CADM4: variants seen among roughly 807,000 people sequenced by gnomAD.
CADM4 encodes the protein cell adhesion molecule 4, also known as TSLC1-like 2.
In CADM4, 13 loss-of-function variants were observed where a neutral mutation model predicts 43.9. That is an observed-to-expected ratio of 0.30 (90% CI 0.19 to 0.47). The LOEUF is 0.47. CADM4 is among the 20% of genes least tolerant of loss of function. The pLI, the probability that CADM4 is intolerant of heterozygous loss-of-function variation, is 1.00. For missense variants in CADM4, 420 were observed against 527.0 expected (o/e 0.80, Z 1.99); for synonymous variants, 209 against 220.9 (o/e 0.95, Z 0.48).
rs1428031373 is a variant in CADM4, at chr19:43,625,427, C to A, written c.756-177G>T. On this transcript the variant is annotated intron_variant, in intron 6 of 8. Transcript: ENST00000222374. This position sits in a 1 kb window ranked among gnomAD's most constrained non-coding sequence, Gnocchi z 4.5. Reference sequence around the variant, plus strand: ...GTCCTGGGCCTACTTCCACCCATCACCAAGGTCTCAGGAATTCTAGCCCAG... The same window carrying A: ...GTCCTGGGCCTACTTCCACCCATCAACAAGGTCTCAGGAATTCTAGCCCAG... Among the ~76,000 whole-genome samples the A allele has an allele frequency of 6.6e-6, 1 of 152,176 alleles. No homozygotes were observed. The highest frequency in any genetic ancestry group is 1.5e-5 in the Non-Finnish European group (1 of 68,046).
chr19:43,631,352 A>G (rs567019713), intron 1 of CADM4, among the ~76,000 whole-genome samples: 1 of 152,108 alleles, frequency 6.6e-6, no homozygotes, highest in South Asian at 2.1e-4. Flanking sequence ...AAAAAGAAAA[A>G]AAAAAAAGAA....
At chr19:43,632,370 T>C (rs1453349874) in intron 1 of CADM4, among the ~76,000 whole-genome samples, 2 of 152,218 alleles carry the variant, frequency 1.3e-5, no homozygotes, top group African/African-American at 4.8e-5. Flanking sequence ...TGCATCCCTG[T>C]CTGCCTCCTC....
chr19:43,626,759 C>CT lies in CADM4; in HGVS notation c.499+24dup. On this transcript the variant is annotated intron_variant, in intron 4 of 8. Coordinates refer to ENST00000222374, the MANE Select transcript of CADM4 (RefSeq NM_145296.2). The surrounding 1 kb of genome is among the most constrained non-coding windows in gnomAD (Gnocchi z 5.9). ...CCTAAGTCCCACCTCCTCCCCATCC[C>CT]TTGTCAGCACTCGGCCCAGGGTACC... The CT allele has an allele frequency of 6.5e-7, 1 of 1,547,366 alleles. No individual in the cohort carries two copies. Among genetic ancestry groups the CT allele is most frequent in the Non-Finnish European group, 8.7e-7 (1 of 1,143,830 alleles).
rs142675292 is a variant in CADM4, at chr19:43,627,450, A to G, written c.212-132T>C. Reference sequence around the variant, plus strand: ...CATATCTATGAGTCTGAGGTGTCCAACTATTTACTCCCTTGAGGACCCAGC... The same window carrying G: ...CATATCTATGAGTCTGAGGTGTCCAGCTATTTACTCCCTTGAGGACCCAGC... On this transcript the variant is annotated intron_variant, in intron 2 of 8. Transcript: ENST00000222374. The surrounding 1 kb of genome is among the most constrained non-coding windows in gnomAD (Gnocchi z 4.0). 7.7e-4 allele frequency: 956 copies of G among 1,248,046 alleles called. 6 individuals carry two copies. The African/African-American group carries it at 0.011, about 14-fold the overall frequency. 77.3% of individuals were successfully genotyped at this position (1,248,046 alleles called of 1,614,324 possible).
At position 43,623,307 on chromosome 19, in the gene CADM4, C is replaced by T; in HGVS notation, c.*23G>A. On this transcript the variant is annotated 3_prime_UTR_variant, in exon 9 of 9. Transcript: ENST00000222374. This position sits in a 1 kb window ranked among gnomAD's most constrained non-coding sequence, Gnocchi z 4.4. ...GGGGGACCCCAGCCCAGGCCCAGGC[C>T]TAGGCCTGGGGTGGGGATAGGGTCA... 1 of 1,596,648 alleles carries T rather than the reference C, an allele frequency of 6.3e-7. No individual in the cohort carries two copies. The highest frequency in any genetic ancestry group is 8.6e-7 in the Non-Finnish European group (1 of 1,165,094).
At position 43,626,658 on chromosome 19, in the gene CADM4, C is replaced by T; in HGVS notation, c.499+126G>A. 1 of 1,290,770 alleles carries T rather than the reference C, an allele frequency of 7.7e-7. No individual in the cohort carries two copies. Among genetic ancestry groups the T allele is most frequent in the Non-Finnish European group, 1.0e-6 (1 of 958,230 alleles). The allele number at this position is 1,290,770 out of a possible 1,614,324, so 80.0% of individuals were successfully genotyped here. The stretch of plus-strand genomic sequence containing the variant: ...GACTACAGGCGTGAGCCACCGCGCT[C>T]GACATCAACCACTACATATTGAATG... On this transcript the variant is annotated intron_variant, in intron 4 of 8. Coordinates refer to ENST00000222374, the MANE Select transcript of CADM4 (RefSeq NM_145296.2). The surrounding 1 kb of genome is among the most constrained non-coding windows in gnomAD (Gnocchi z 5.9).
chr19:43,641,715 T>C (rs540111243), upstream of CADM4, among the ~76,000 whole-genome samples: 1 of 152,324 alleles, frequency 6.6e-6, no homozygotes, highest in African/African-American at 2.4e-5. Context: ...TCTTTTTCAG[T>C]CCTCAGCTTC....
Position 43,630,531 on chromosome 19 carries a change from G to A in CADM4, c.65-2741C>T, listed in dbSNP as rs547865611. Among the ~76,000 whole-genome samples, 124 of 151,752 alleles carry A rather than the reference G, an allele frequency of 8.2e-4. 2 individuals carry two copies. The South Asian group carries it at 0.014, about 17-fold the overall frequency. On this transcript the variant is annotated intron_variant, in intron 1 of 8. Coordinates refer to ENST00000222374, the MANE Select transcript of CADM4 (RefSeq NM_145296.2). Reference sequence around the variant, plus strand: ...GAACTCCTGACCTCGTGATCCACCCGCCTCGGCCTCCCAAAGTGCTGGGAT... The same window carrying A: ...GAACTCCTGACCTCGTGATCCACCCACCTCGGCCTCCCAAAGTGCTGGGAT...
In CADM4 at chr19:43,625,729, C is replaced by T. The variant is rs1973513526; in HGVS notation, c.755+182G>A. On this transcript the variant is annotated intron_variant, in intron 6 of 8. Coordinates refer to ENST00000222374, the MANE Select transcript of CADM4 (RefSeq NM_145296.2). This position sits in a 1 kb window ranked among gnomAD's most constrained non-coding sequence, Gnocchi z 4.5. ...ATCCAGGAGTCCAGGTCCCAGATCC[C>T]TATTCGTCCAGGTCCCCAGCTCTCT... Among the ~76,000 whole-genome samples the T allele has an allele frequency of 6.6e-6, 1 of 151,996 alleles. No homozygotes were observed. Among genetic ancestry groups the T allele is most frequent in the South Asian group, 2.1e-4 (1 of 4,812 alleles).
rs78645355 is a variant in CADM4, at chr19:43,633,625, C to T, written c.65-5835G>A. Among the ~76,000 whole-genome samples, 793 of 151,942 alleles carry T rather than the reference C, an allele frequency of 5.2e-3. 6 individuals are homozygous for T. The highest frequency in any genetic ancestry group is 0.018 in the African/African-American group (764 of 41,432). Reference sequence around the variant, plus strand: ...ACATGTGTCAGATGGGATATCTGTTCGTCTTTCTTCTCTCTTTTTTCTTTC... The same window carrying T: ...ACATGTGTCAGATGGGATATCTGTTTGTCTTTCTTCTCTCTTTTTTCTTTC... On this transcript the variant is annotated intron_variant, in intron 1 of 8. Coordinates refer to ENST00000222374, the MANE Select transcript of CADM4 (RefSeq NM_145296.2).
upstream of CADM4, among the ~76,000 whole-genome samples, chr19:43,640,019 T>G (rs1600104564): frequency 3.3e-5 from 3 of 90,542 alleles, no homozygotes; most frequent in Non-Finnish European, 4.8e-5. Flanking sequence ...AGGAGAGGGG[T>G]GAGGAGGGCG....
chr19:43,636,450 G>T (rs940137906), intron 1 of CADM4, among the ~76,000 whole-genome samples: 1 of 152,168 alleles, frequency 6.6e-6, no homozygotes, highest in Non-Finnish European at 1.5e-5. Flanking sequence ...CCCAGGCTCA[G>T]CACCTGCCCC....
In CADM4 at chr19:43,627,276, C is replaced by T. The variant is rs746270381; in HGVS notation, c.254G>A (p.Arg85His). Reference protein sequence around the residue: ...ERFQLEEFSPRRVRIRLSDAR... With the variant: ...ERFQLEEFSPHRVRIRLSDAR... ...ATCTGAGAGCCGGATCCGCACCCGG[C>T]GTGGGGAGAACTCCTCAAGCTGGAA... is the stretch of plus-strand genomic sequence containing the variant. The change falls in exon 3 of 9, where the codon CGC becomes CAC. Residue 85 changes from arginine to histidine, a missense_variant. Arg to His is a conservative substitution (Grantham distance 29). Coordinates refer to ENST00000222374, the MANE Select transcript of CADM4 (RefSeq NM_145296.2). The surrounding 1 kb of genome is among the most constrained non-coding windows in gnomAD (Gnocchi z 4.0). The T allele has an allele frequency of 5.6e-6, 9 of 1,609,924 alleles. No individual in the cohort carries two copies. The highest frequency in any genetic ancestry group is 2.2e-5 in the South Asian group (2 of 90,526).
At chr19:43,635,586 C>T (rs543439881) in intron 1 of CADM4, among the ~76,000 whole-genome samples, 85 of 151,378 alleles carry the variant, frequency 5.6e-4, no homozygotes, top group African/African-American at 1.3e-3. Context: ...CACAGGAGTT[C>T]CAGCCCTCGG....
rs1162119471 is a variant in CADM4 at position 43,625,217 on chromosome 19, C to G, written c.789G>C (p.Glu263Asp). 1 of 1,614,242 alleles carries G rather than the reference C, an allele frequency of 6.2e-7. No homozygotes were observed. The highest frequency in any genetic ancestry group is 1.1e-5 in the South Asian group (1 of 91,088). The change falls in exon 7 of 9, where the codon GAG becomes GAC. Residue 263 changes from glutamate (E) to aspartate (D), a missense_variant. Physicochemically the swap from Glu to Asp is conservative, Grantham distance 45 (BLOSUM62 2). Coordinates refer to ENST00000222374, the MANE Select transcript of CADM4 (RefSeq NM_145296.2). The surrounding 1 kb of genome is among the most constrained non-coding windows in gnomAD (Gnocchi z 4.5). ...PNQIRWNRGN[E>D]SLPERAEAVG... is the part of the protein sequence containing the mutation. ...CGGCCTCCGCCCTCTCCGGCAAAGA[C>G]TCATTCCCGCGGTTCCAGCGGATCT... is the stretch of plus-strand genomic sequence containing the variant.
upstream of CADM4, among the ~76,000 whole-genome samples, chr19:43,641,329 C>T (rs755319003): frequency 1.7e-4 from 26 of 152,328 alleles, no homozygotes; most frequent in Non-Finnish European, 3.2e-4. Flanking sequence ...GGGACTTCAG[C>T]TTCACACACC....
chr19:43,627,576 G>C lies in CADM4; in HGVS notation c.211+68C>G. 1 of 1,542,334 alleles carries C rather than the reference G, an allele frequency of 6.5e-7. No individual in the cohort carries two copies. The highest frequency in any genetic ancestry group is 8.9e-7 in the Non-Finnish European group (1 of 1,129,744). On this transcript the variant is annotated intron_variant, in intron 2 of 8. Coordinates refer to ENST00000222374, the MANE Select transcript of CADM4 (RefSeq NM_145296.2). This position sits in a 1 kb window ranked among gnomAD's most constrained non-coding sequence, Gnocchi z 4.0. Reference sequence around the variant, plus strand: ...AAACTCTCAGGTGTGTCCTCTTTCAGGACATGGGAGCCTGGGCCCCAGCCC... The same window carrying C: ...AAACTCTCAGGTGTGTCCTCTTTCACGACATGGGAGCCTGGGCCCCAGCCC...
At chr19:43,639,921 G>C, upstream of CADM4, 3 of 663,384 alleles carry the variant, frequency 4.5e-6, no homozygotes, top group Non-Finnish European at 5.6e-6. Context: ...GGCGGGGCCG[G>C]GGAGGGGAGG....
chr19:43,626,516 CTA>C lies in CADM4; in HGVS notation c.500-230_500-229del, dbSNP rs559704042. On this transcript the variant is annotated intron_variant, in intron 4 of 8. Coordinates refer to ENST00000222374, the MANE Select transcript of CADM4 (RefSeq NM_145296.2). This position sits in a 1 kb window ranked among gnomAD's most constrained non-coding sequence, Gnocchi z 5.9. Reference sequence around the variant, plus strand: ...TCTCGTCTATCAATCCATTTAATTGCTATATATATAAAAACATAAATTTATAT... The same window carrying C: ...TCTCGTCTATCAATCCATTTAATTGCTATATATAAAAACATAAATTTATAT... Among the ~76,000 whole-genome samples the C allele has an allele frequency of 7.6e-3, 1,155 of 152,192 alleles. 3 individuals carry two copies. The highest frequency in any genetic ancestry group is 0.026 in the African/African-American group (1,097 of 41,514).
Sources: allele counts gnomAD v4.1 joint callset (sites outside exome capture counted in the v4.1 genomes callset), GRCh38; gene constraint gnomAD v4.1.1; non-coding constraint Gnocchi (gnomAD v3.1); transcripts MANE v1.5; gene names NCBI Gene and HGNC (gene_info 2026-07-23, HGNC 2026-07-21).